The following SLC16A7 variants were observed in gnomAD, a reference collection of about 807,000 sequenced individuals.
SLC16A7 encodes the protein solute carrier family 16 member 7.
In SLC16A7, 33 loss-of-function variants were observed where a neutral mutation model predicts 34.9. That is an observed-to-expected ratio of 0.94 (90% confidence interval 0.72 to 1.26). SLC16A7 has a LOEUF of 1.26. Among genes scored for constraint, SLC16A7 ranks in the 50% most tolerant of loss-of-function variants. The pLI, the probability that SLC16A7 is intolerant of heterozygous loss-of-function variation, is 0.00. For synonymous variants in SLC16A7, 201 were observed against 206.6 expected (o/e 0.97, Z 0.23); for missense variants, 573 against 578.1 (o/e 0.99, Z 0.09).
intron 1 of SLC16A7, among the ~76,000 whole-genome samples, chr12:59,636,767 A>C (rs1207083328): frequency 6.6e-6 from 1 of 152,174 alleles, no homozygotes; most frequent in East Asian, 1.9e-4. Flanking sequence ...CATGAATTTA[A>C]GATTAGAAAT....
intron 1 of SLC16A7, among the ~76,000 whole-genome samples, chr12:59,636,461 A>AATTT (rs1475216002): frequency 6.6e-6 from 1 of 152,020 alleles, no homozygotes; most frequent in South Asian, 2.1e-4. Flanking sequence ...ACAAAATAGG[A>AATTT]ATTTATTTAT....
chr12:59,666,949 C>T (rs562897311), intron 2 of SLC16A7, among the ~76,000 whole-genome samples: 3 of 152,134 alleles, frequency 2.0e-5, no homozygotes, highest in African/African-American at 7.2e-5. Flanking sequence ...AAAGACATTC[C>T]AGAGACTGGG....
chr12:59,598,263 T>C (rs1040131184), intron 1 of SLC16A7, among the ~76,000 whole-genome samples: 5 of 152,238 alleles, frequency 3.3e-5, no homozygotes, highest in African/African-American at 1.2e-4. Flanking sequence ...CTTTTTCTTG[T>C]CTATAAAATG....
At chr12:59,648,680 A>G (rs1456408006) in intron 1 of SLC16A7, among the ~76,000 whole-genome samples, 1 of 152,188 alleles carries the variant, frequency 6.6e-6, no homozygotes, top group Non-Finnish European at 1.5e-5. Context: ...AACCAGTCTC[A>G]AGAGGATTCC....
chr12:59,684,276 A>AATCCTTT (rs1239173467), intron 2 of SLC16A7, among the ~76,000 whole-genome samples: 1 of 152,232 alleles, frequency 6.6e-6, no homozygotes, highest in African/African-American at 2.4e-5. Flanking sequence ...ACTGACACCA[A>AATCCTTT]ATCCTTTAGA....
intron 3 of SLC16A7, chr12:59,734,294 T>G (rs762385109): frequency 6.2e-6 from 1 of 160,238 alleles, no homozygotes; most frequent in Admixed American, 6.2e-5. Flanking sequence ...CCAGGCAGGA[T>G]TGGCATGTCA....
chr12:59,664,397 T>C (rs375665069), intron 2 of SLC16A7, among the ~76,000 whole-genome samples: 3 of 151,992 alleles, frequency 2.0e-5, no homozygotes, highest in South Asian at 4.1e-4. Context: ...TGGCTGACCA[T>C]GTAGGGAGTG....
In SLC16A7 at chr12:59,659,358, G is replaced by A. The variant is rs552338847; in HGVS notation, c.-31+4108G>A. ...CTGGGCTTTTAGTGTGCCCATAACCGAAGTGGTGAACATTGTATCCAAAAG... is the reference window on the plus strand; with the variant it reads ...CTGGGCTTTTAGTGTGCCCATAACCAAAGTGGTGAACATTGTATCCAAAAG... On this transcript the variant is annotated intron_variant, in intron 2 of 5. Transcript: ENST00000547379. Among the ~76,000 whole-genome samples, 134 of 152,058 alleles carry A rather than the reference G, an allele frequency of 8.8e-4. 1 individual carries two copies. Among genetic ancestry groups the A allele is most frequent in the Middle Eastern group, 3.4e-3 (1 of 294 alleles).
intron 3 of SLC16A7, among the ~76,000 whole-genome samples, chr12:59,720,423 T>C (rs1565671913): frequency 6.6e-6 from 1 of 152,048 alleles, no homozygotes; most frequent in Non-Finnish European, 1.5e-5. Flanking sequence ...TAAAATGAAA[T>C]AGTGAACAAA....
At chr12:59,649,619 C>T (rs1055937301) in intron 1 of SLC16A7, among the ~76,000 whole-genome samples, 27 of 151,984 alleles carry the variant, frequency 1.8e-4, no homozygotes, top group African/African-American at 6.5e-4. Flanking sequence ...GGATCTATAC[C>T]TCTGGTTTTG....
intron 1 of SLC16A7, among the ~76,000 whole-genome samples, chr12:59,651,216 A>G (rs1170341702): frequency 2.0e-5 from 3 of 152,152 alleles, no homozygotes; most frequent in African/African-American, 4.8e-5. Flanking sequence ...GACTTCCTCA[A>G]TTAGGAAAAG....
intron 3 of SLC16A7, among the ~76,000 whole-genome samples, chr12:59,712,410 G>A (rs1333597607): frequency 2.0e-5 from 3 of 152,222 alleles, no homozygotes; most frequent in Non-Finnish European, 1.5e-5. Context: ...TAGTGGACAA[G>A]ACATTGGTCA....
At position 59,771,317 on chromosome 12, in the gene SLC16A7, A is replaced by C. The variant is rs779936125; in HGVS notation, c.316A>C (p.Ser106Arg). 3 of 1,612,952 alleles carry C rather than the reference A, an allele frequency of 1.9e-6. No individual in the cohort carries two copies. ...TCTTGGAATGGTGTTGGCCTCCTTT[A>C]GTAGCAGCGTGGTACAGCTGTACCT... is the stretch of plus-strand genomic sequence containing the variant. ...CCLGMVLASF[S>R]SSVVQLYLTM... The change falls in exon 4 of 6, where the codon AGT becomes CGT. Residue 106 changes from serine to arginine, a missense_variant. Transcript: ENST00000547379.
intron 2 of SLC16A7, among the ~76,000 whole-genome samples, chr12:59,682,789 G>A (rs749911991): frequency 1.3e-5 from 2 of 152,082 alleles, no homozygotes; most frequent in African/African-American, 2.4e-5. Context: ...AACAAATTGC[G>A]GCCAGTCACA....
At chr12:59,616,036 C>T (rs1879433530) in intron 1 of SLC16A7, among the ~76,000 whole-genome samples, 1 of 152,124 alleles carries the variant, frequency 6.6e-6, no homozygotes, top group Non-Finnish European at 1.5e-5. Flanking sequence ...GGGAACCTAA[C>T]AGTTCCCAGA....
At chr12:59,686,196 A>G (rs1253897452) in intron 2 of SLC16A7, among the ~76,000 whole-genome samples, 1 of 134,608 alleles carries the variant, frequency 7.4e-6, no homozygotes, top group East Asian at 2.2e-4. Context: ...TATGTTTATT[A>G]CTTATTTTGA....
chr12:59,657,313 G>A (rs991187498), intron 2 of SLC16A7, among the ~76,000 whole-genome samples: 6 of 151,870 alleles, frequency 4.0e-5, no homozygotes, highest in African/African-American at 1.5e-4. Flanking sequence ...ATCATCATAT[G>A]TAGATGAAGC....
At position 59,783,021 on chromosome 12, in the gene SLC16A7, G is replaced by A. The variant is rs1217398559; in HGVS notation, c.*3342G>A. 1 of 152,028 alleles carries A rather than the reference G, an allele frequency of 6.6e-6. No individual in the cohort carries two copies. The allele number at this position is 152,028 out of a possible 1,614,324, so 9.4% of individuals were successfully genotyped here. Reference sequence around the variant, plus strand: ...GATAATTTATACTCATTCTTTTCTGGCTGTACAACATGACAATCAAGAATA... The same window carrying A: ...GATAATTTATACTCATTCTTTTCTGACTGTACAACATGACAATCAAGAATA... On this transcript the variant is annotated 3_prime_UTR_variant, in exon 6 of 6. Transcript: ENST00000547379.
intron 3 of SLC16A7, among the ~76,000 whole-genome samples, chr12:59,741,381 TC>T (rs1438419545): frequency 6.6e-6 from 1 of 152,162 alleles, no homozygotes; most frequent in Non-Finnish European, 1.5e-5. Context: ...AACAAACTTT[TC>T]ACAGCTGTCC....
Sources: allele counts gnomAD v4.1 joint callset (sites outside exome capture counted in the v4.1 genomes callset), GRCh38; gene constraint gnomAD v4.1.1; transcripts MANE v1.5; gene names NCBI Gene and HGNC (gene_info 2026-07-23, HGNC 2026-07-21).